The following PASD1 variants were observed in gnomAD, a reference collection of about 807,000 sequenced individuals.
PASD1 encodes the protein circadian clock protein PASD1.
Under a neutral mutation model 58.8 loss-of-function variants are expected in PASD1, and 13 were observed. The observed-to-expected ratio is 0.22, with a 90% CI of 0.14 to 0.35. PASD1 has a LOEUF of 0.35. Among genes scored for constraint, PASD1 ranks in the 10% least tolerant of loss-of-function variants. The probability of loss-of-function intolerance (pLI) is 1.00; values close to 1 mark genes in which losing one functional copy is unlikely to be tolerated. For synonymous variants in PASD1, 236 were observed against 216.7 expected (o/e 1.09, Z -0.78); for missense variants, 734 against 568.3 (o/e 1.29, Z -2.96).
At chrX:151,628,322 A>G (rs1447655053) in intron 8 of PASD1, among the ~76,000 whole-genome samples, 8 of 111,688 alleles carry the variant, frequency 7.2e-5, no homozygotes, top group East Asian at 2.8e-4. Flanking sequence ...TTTCTTCTAG[A>G]GTTTTTATGG....
intron 10 of PASD1, 40 bp from the exon 11 acceptor site, chrX:151,664,079 G>A: frequency 2.5e-6 from 3 of 1,207,407 alleles, no homozygotes; most frequent in Non-Finnish European, 3.4e-6. Context: ...TAGTACTTTT[G>A]CTTTTTAAGT....
At chrX:151,614,294 C>T (rs5924652) in intron 4 of PASD1, among the ~76,000 whole-genome samples, 2 of 111,453 alleles carry the variant, frequency 1.8e-5, no homozygotes, top group African/African-American at 6.5e-5. Flanking sequence ...CTAGGGGTTT[C>T]TTTTATAAGG....
chrX:151,581,853 C>T (rs891904585), intron 1 of PASD1, among the ~76,000 whole-genome samples: 1 of 110,291 alleles, frequency 9.1e-6, no homozygotes, highest in Non-Finnish European at 1.9e-5. Context: ...GCATAGCTCT[C>T]AGTTCAATGA....
rs375117597 is a variant in PASD1, at chrX:151,671,168, C to A, written c.1202C>A (p.Ala401Glu). 7.4e-6 allele frequency: 9 copies of A among 1,209,839 alleles called. No individual in the cohort carries two copies. Among genetic ancestry groups the A allele is most frequent in the Non-Finnish European group, 1.0e-5 (9 of 895,089 alleles). ...GATGCCATCCAAAACCAGCAGAATG[C>A]ATTGGAATTGATGATGGATCACCTT... ...LHDAIQNQQN[A>E]LELMMDHLQK... Residue 401 changes from alanine to glutamate, a missense_variant, in exon 12 of 16, where the codon GCA (alanine) becomes GAA (glutamate). Transcript: ENST00000370357.
chrX:151,662,000 T>C (rs1418869857), intron 10 of PASD1, among the ~76,000 whole-genome samples: 1 of 112,461 alleles, frequency 8.9e-6, no homozygotes, highest in Non-Finnish European at 1.9e-5. Context: ...GTTTTCCCCT[T>C]TGTACTTATC....
intron 15 of PASD1, among the ~76,000 whole-genome samples, chrX:151,675,557 A>G (rs902052302): frequency 4.5e-5 from 5 of 112,179 alleles, no homozygotes; most frequent in South Asian, 7.4e-4. Flanking sequence ...CTTTGTATCT[A>G]TTCCTTCTCC....
At chrX:151,642,072 T>C (rs2014005243) in intron 8 of PASD1, among the ~76,000 whole-genome samples, 1 of 112,207 alleles carries the variant, frequency 8.9e-6, no homozygotes, top group Non-Finnish European at 1.9e-5. Context: ...ACTCAGGAAG[T>C]TTCCTAAAAC....
chrX:151,622,942 C>A lies in PASD1; in HGVS notation c.424C>A (p.Pro142Thr). 1.7e-6 allele frequency: 2 copies of A among 1,207,782 alleles called. No individual in the cohort carries two copies. Among genetic ancestry groups the A allele is most frequent in the Non-Finnish European group, 2.2e-6 (2 of 893,125 alleles). Residue 142 changes from proline (P) to threonine (T), a missense_variant, in exon 7 of 16, where the codon CCT (proline) becomes ACT (threonine). Physicochemically the swap from Pro to Thr is conservative, Grantham distance 38 (BLOSUM62 -1). Transcript: ENST00000370357. ...VNVRDICNEF[P>T]VVFSGLFSSH... is the part of the protein sequence containing the mutation. ...TGTGTGTCTATCTTCCTTAGAGTTT[C>A]CTGTGGTCTTTAGTGGCTTGTTTTC...
At chrX:151,633,594 T>G (rs1480418752) in intron 8 of PASD1, among the ~76,000 whole-genome samples, 1 of 111,911 alleles carries the variant, frequency 8.9e-6, no homozygotes, top group Non-Finnish European at 1.9e-5. Flanking sequence ...CTTTATGATG[T>G]GATCTCTAGC....
At chrX:151,637,238 G>A (rs1159638445) in intron 8 of PASD1, among the ~76,000 whole-genome samples, 1 of 112,335 alleles carries the variant, frequency 8.9e-6, no homozygotes, top group Non-Finnish European at 1.9e-5. Context: ...CATTTCTCTA[G>A]GGTAGATAGG....
Position 151,622,952 on chromosome X carries a change from T to G in PASD1, c.434T>G (p.Phe145Cys), listed in dbSNP as rs2013734247. ...TCTTCCTTAGAGTTTCCTGTGGTCT[T>G]TAGTGGCTTGTTTTCCAGCCACCTC... ...RDICNEFPVVFSGLFSSHLCA... is the reference protein window; with the variant it reads ...RDICNEFPVVCSGLFSSHLCA... The change falls in exon 7 of 16, where the codon TTT becomes TGT. Residue 145 changes from phenylalanine (F) to cysteine (C), a missense_variant. Coordinates refer to ENST00000370357, the MANE Select transcript of PASD1 (RefSeq NM_173493.3). The G allele has an allele frequency of 3.3e-6, 4 of 1,209,143 alleles. No homozygotes were observed. The highest frequency in any genetic ancestry group is 3.0e-5 in the East Asian group (1 of 33,812).
chrX:151,652,350 G>T (rs927958677), intron 9 of PASD1, among the ~76,000 whole-genome samples: 1 of 110,598 alleles, frequency 9.0e-6, no homozygotes, highest in African/African-American at 3.3e-5. Context: ...TGACCAATAT[G>T]GTGAAACCCC....
intron 2 of PASD1, among the ~76,000 whole-genome samples, chrX:151,603,899 A>G (rs1388814310): frequency 1.8e-5 from 2 of 111,916 alleles, no homozygotes; most frequent in Admixed American, 1.9e-4. Context: ...GTTGTATGCT[A>G]TGGGTCTCAT....
intron 8 of PASD1, among the ~76,000 whole-genome samples, chrX:151,632,429 A>T (rs5924983): frequency 0.32 from 34,880 of 110,615 alleles, 4,843 homozygotes; most frequent in Middle Eastern, 0.46. Context: ...GAGCCAGCAT[A>T]GCTGGAGCAG....
At chrX:151,649,550 T>C (rs1369304081) in intron 9 of PASD1, among the ~76,000 whole-genome samples, 6 of 111,870 alleles carry the variant, frequency 5.4e-5, no homozygotes, top group Non-Finnish European at 1.9e-5. Flanking sequence ...AGGAATCTTA[T>C]CGGGATATTT....
intron 9 of PASD1, among the ~76,000 whole-genome samples, chrX:151,654,509 A>G (rs1383266522): frequency 1.8e-5 from 2 of 111,864 alleles, no homozygotes; most frequent in Non-Finnish European, 3.8e-5. Context: ...AGATTAGGGG[A>G]AAAAAAGGAG....
chrX:151,582,593 C>T (rs779188590), intron 1 of PASD1, among the ~76,000 whole-genome samples: 1 of 111,449 alleles, frequency 9.0e-6, no homozygotes, highest in Non-Finnish European at 1.9e-5. Context: ...AACTCAAATA[C>T]TGGAGGGGGA....
At chrX:151,607,486 A>C (rs754925597) in intron 3 of PASD1, among the ~76,000 whole-genome samples, 56 of 111,266 alleles carry the variant, frequency 5.0e-4, no homozygotes, top group Admixed American at 1.1e-3. Flanking sequence ...GGTGAGGGGG[A>C]AAGTAAGGCA....
chrX:151,573,094 TG>T (rs1182363191), intron 1 of PASD1, among the ~76,000 whole-genome samples: 1 of 9,162 alleles, frequency 1.1e-4, no homozygotes, highest in East Asian at 4.0e-3. Flanking sequence ...AGTTTTGGGG[TG>T]GGGGTGGGGG....
Sources: allele counts gnomAD v4.1 joint callset (sites outside exome capture counted in the v4.1 genomes callset), GRCh38; gene constraint gnomAD v4.1.1; transcripts MANE v1.5; gene names NCBI Gene and HGNC (gene_info 2026-07-23, HGNC 2026-07-21).